STAU1: variants seen among roughly 807,000 people sequenced by gnomAD.
STAU1 encodes staufen double-stranded RNA binding protein 1, also known as double-stranded RNA-binding protein Staufen homolog 1.
A neutral mutation model predicts 62.9 loss-of-function variants in STAU1; 13 were observed. The ratio of observed to expected loss-of-function variants is 0.21; its 90% confidence interval spans 0.13 to 0.33. STAU1 has a LOEUF of 0.33. Among genes scored for constraint, STAU1 ranks in the 10% least tolerant of loss-of-function variants. The pLI, the probability that STAU1 is intolerant of heterozygous loss-of-function variation, is 1.00. For missense variants in STAU1, 571 were observed against 712.1 expected, an observed-to-expected ratio of 0.80 and a Z score of 2.25; for synonymous variants, 269 against 265.1, an observed-to-expected ratio of 1.01 and a Z score of -0.14.
chr20:49,164,566 A>G (rs946083444), intron 3 of STAU1, among the ~76,000 whole-genome samples: 16 of 152,004 alleles, frequency 1.1e-4, no homozygotes, highest in African/African-American at 3.9e-4. Flanking sequence ...CTGGGATTAC[A>G]GGTGTGAACC....
chr20:49,187,453 C>G (rs1366508280), intron 1 of STAU1, among the ~76,000 whole-genome samples: 1 of 152,164 alleles, frequency 6.6e-6, no homozygotes, highest in Non-Finnish European at 1.5e-5. Flanking sequence ...GGTAGGTCAA[C>G]TTCTATCCAC....
At chr20:49,169,677 G>A (rs1055227090) in intron 2 of STAU1, among the ~76,000 whole-genome samples, 4 of 152,154 alleles carry the variant, frequency 2.6e-5, no homozygotes, top group Non-Finnish European at 5.9e-5. Context: ...GATCTCGCTG[G>A]TGCTGGAAAA....
chr20:49,168,868 T>C (rs1002424455), intron 2 of STAU1, among the ~76,000 whole-genome samples: 1 of 152,090 alleles, frequency 6.6e-6, no homozygotes, highest in Non-Finnish European at 1.5e-5. Flanking sequence ...CAATACAATC[T>C]TACTAATGTA....
At chr20:49,158,375 A>G in intron 3 of STAU1, 5 of 1,122,720 alleles carry the variant, frequency 4.5e-6, no homozygotes, top group Non-Finnish European at 6.0e-6. Flanking sequence ...TACAAGGGAA[A>G]CCTGGATTTC....
chr20:49,186,361 C>T (rs1219192439), intron 1 of STAU1, among the ~76,000 whole-genome samples: 3 of 151,262 alleles, frequency 2.0e-5, no homozygotes, highest in African/African-American at 7.3e-5. Flanking sequence ...AAAAAAAATT[C>T]AAACAAACAT....
At chr20:49,121,435 T>C (rs1294862713) in intron 8 of STAU1, among the ~76,000 whole-genome samples, 2 of 152,090 alleles carry the variant, frequency 1.3e-5, no homozygotes, top group Admixed American at 6.6e-5. Flanking sequence ...AAAATGTATC[T>C]CAACCAGTAT....
intron 1 of STAU1, among the ~76,000 whole-genome samples, chr20:49,187,781 C>CTT (rs3091832): frequency 1.5e-5 from 2 of 135,630 alleles, no homozygotes; most frequent in African/African-American, 2.7e-5. Context: ...GGACCCCCCC[C>CTT]CCCCCCCGCC....
At chr20:49,115,283 T>C (rs923537563) in intron 13 of STAU1, among the ~76,000 whole-genome samples, 7 of 152,106 alleles carry the variant, frequency 4.6e-5, no homozygotes, top group African/African-American at 1.4e-4. Flanking sequence ...CATGTGAAGG[T>C]ATGACCAACT....
At chr20:49,182,382 G>C (rs2093735801) in intron 1 of STAU1, among the ~76,000 whole-genome samples, 1 of 152,206 alleles carries the variant, frequency 6.6e-6, no homozygotes. Flanking sequence ...GCATTAAGCT[G>C]TCAACAAGAC....
Position 49,113,890 on chromosome 20 carries a change from T to A in STAU1, c.*988A>T, listed in dbSNP as rs1042917286. The A allele has an allele frequency of 1.3e-5, 2 of 152,648 alleles. No homozygotes were observed. 9.5% of individuals were successfully genotyped at this position (152,648 alleles called of 1,614,324 possible). ...ATATGTATAGATACACAATGTTTTTTAATAATCTTTAAAACAGAGATCAAA... is the reference window on the plus strand; with the variant it reads ...ATATGTATAGATACACAATGTTTTTAAATAATCTTTAAAACAGAGATCAAA... On this transcript the variant is annotated 3_prime_UTR_variant, in exon 14 of 14. Coordinates refer to ENST00000371856, the MANE Select transcript of STAU1 (RefSeq NM_017453.4).
chr20:49,190,039 A>G (rs1284637830), upstream of STAU1, among the ~76,000 whole-genome samples: 1 of 152,196 alleles, frequency 6.6e-6, no homozygotes. Flanking sequence ...CCAAGACAGT[A>G]GTAAGCAACA....
intron 2 of STAU1, among the ~76,000 whole-genome samples, chr20:49,170,301 C>T (rs2093580742): frequency 1.3e-5 from 2 of 152,186 alleles, no homozygotes; most frequent in South Asian, 4.1e-4. Flanking sequence ...TATCCACTTT[C>T]AACTTACAGA....
At chr20:49,209,986 T>G in the STAU1 span, among the ~76,000 whole-genome samples, 2 of 152,024 alleles carry the variant, frequency 1.3e-5, no homozygotes, top group African/African-American at 4.8e-5. Flanking sequence ...GAGGCAGAGG[T>G]TGCAGTGAGC....
At chr20:49,162,295 C>G (rs1191307232) in intron 3 of STAU1, among the ~76,000 whole-genome samples, 3 of 152,240 alleles carry the variant, frequency 2.0e-5, no homozygotes, top group Middle Eastern at 3.4e-3. Context: ...AGCAATAAAT[C>G]CCAGAGGACG....
At chr20:49,120,582 G>A (rs1452560682) in intron 8 of STAU1, among the ~76,000 whole-genome samples, 2 of 152,150 alleles carry the variant, frequency 1.3e-5, no homozygotes. Context: ...AAGATCATAA[G>A]CTGTTTATTG....
intron 5 of STAU1, among the ~76,000 whole-genome samples, 200 bp downstream of exon 5, chr20:49,151,382 A>C (rs1442603481): frequency 6.6e-6 from 1 of 152,214 alleles, no homozygotes; most frequent in Non-Finnish European, 1.5e-5. Context: ...AAGGCAACTG[A>C]CTTTCTTGTT....
rs1233407267 is a variant in STAU1, at chr20:49,124,676, A to AG, written c.610-90dup. On this transcript the variant is annotated intron_variant, in intron 6 of 13. Coordinates refer to ENST00000371856, the MANE Select transcript of STAU1 (RefSeq NM_017453.4). ...TGGCTGGCACACTTCACACAGACAC[A>AG]GGGAAGGGGAACCAAGGACAAGACC... 6.6e-6 allele frequency: 9 copies of AG among 1,361,568 alleles called. No homozygotes were observed. The East Asian group carries it at 2.1e-4, about 31-fold the overall frequency. The allele number at this position is 1,361,568 out of a possible 1,614,324, so 84.3% of individuals were successfully genotyped here.
intron 13 of STAU1, among the ~76,000 whole-genome samples, chr20:49,115,378 G>A (rs1431710727): frequency 6.6e-6 from 1 of 152,072 alleles, no homozygotes; most frequent in Non-Finnish European, 1.5e-5. Flanking sequence ...TCGGCTCACT[G>A]CAACCTCCGC....
chr20:49,210,712 G>T, the STAU1 span, among the ~76,000 whole-genome samples: 79 of 152,188 alleles, frequency 5.2e-4, 1 homozygote, highest in African/African-American at 1.9e-3. Flanking sequence ...ACTTGTTCTT[G>T]TATCTTCATA....
Sources: allele counts gnomAD v4.1 joint callset (sites outside exome capture counted in the v4.1 genomes callset), GRCh38; gene constraint gnomAD v4.1.1; transcripts MANE v1.5; gene names NCBI Gene and HGNC (gene_info 2026-07-23, HGNC 2026-07-21).